Variants in MXI1 observed in about 807,000 individuals in gnomAD.
The protein encoded by MXI1 is MAX interactor 1, dimerization protein.
Under a neutral mutation model 36.9 loss-of-function variants are expected in MXI1, and 18 were observed. The observed-to-expected ratio is 0.49, with a 90% CI of 0.34 to 0.72. The LOEUF is 0.72. Among genes scored for constraint, MXI1 ranks in the 30% least tolerant of loss-of-function variants. The probability of loss-of-function intolerance (pLI) is 0.01; values close to 1 mark genes in which losing one functional copy is unlikely to be tolerated. For synonymous variants in MXI1, 160 were observed against 146.7 expected (o/e 1.09, Z -0.65); for missense variants, 304 against 379.1 (o/e 0.80, Z 1.64).
chr10:110,284,165 C>G (rs967601990), intron 5 of MXI1, among the ~76,000 whole-genome samples: 2 of 151,256 alleles, frequency 1.3e-5, no homozygotes, highest in African/African-American at 4.9e-5. Flanking sequence ...GCTTTTAAGT[C>G]TGTATACTAC....
At chr10:110,279,764 T>G (rs890795777) in intron 4 of MXI1, 150 bp from the exon 5 acceptor site, 15 of 498,356 alleles carry the variant, frequency 3.0e-5, no homozygotes, top group Admixed American at 7.7e-5. Context: ...TTATATGCAT[T>G]CTCATTTTGG....
At chr10:110,220,936 ATG>A (rs1234046137) in intron 1 of MXI1, among the ~76,000 whole-genome samples, 1 of 152,216 alleles carries the variant, frequency 6.6e-6, no homozygotes, top group Non-Finnish European at 1.5e-5. Flanking sequence ...AAAGAATAAA[ATG>A]TGTTTACACT....
intron 3 of MXI1, chr10:110,245,818 G>A (rs760917853): frequency 6.6e-6 from 1 of 152,110 alleles, no homozygotes; most frequent in Admixed American, 6.6e-5. Context: ...CAGTAATCTA[G>A]GTAAGAGATG....
At chr10:110,215,985 C>A (rs1262374759) in intron 1 of MXI1, among the ~76,000 whole-genome samples, 1 of 152,230 alleles carries the variant, frequency 6.6e-6, no homozygotes, top group East Asian at 1.9e-4. Flanking sequence ...GCAATTGTCT[C>A]TGATGTCATT....
chr10:110,242,814 ACTGTTTAGAATAAGTTTATGG>A (rs1472191901), intron 2 of MXI1, among the ~76,000 whole-genome samples: 2 of 151,978 alleles, frequency 1.3e-5, no homozygotes, highest in East Asian at 1.9e-4. Flanking sequence ...GGATTGCCAG[ACTGTTTAGAATAAGTTTATGG>A]CTGTTTAGAA....
At chr10:110,214,614 C>T (rs1854583231) in intron 1 of MXI1, among the ~76,000 whole-genome samples, 2 of 151,992 alleles carry the variant, frequency 1.3e-5, no homozygotes, top group African/African-American at 2.4e-5. Context: ...TTTAGATCCC[C>T]CTGCCTCCCT....
chr10:110,270,759 T>TA (rs1204047705), intron 3 of MXI1, among the ~76,000 whole-genome samples: 3 of 152,148 alleles, frequency 2.0e-5, no homozygotes, highest in Non-Finnish European at 4.4e-5. Context: ...CATTCTGTTG[T>TA]AAAAGCTGCA....
intron 5 of MXI1, among the ~76,000 whole-genome samples, chr10:110,283,149 C>A (rs1857317684): frequency 6.6e-6 from 1 of 152,158 alleles, no homozygotes. Flanking sequence ...TGGACAGCTG[C>A]CTACATTTTA....
intron 2 of MXI1, among the ~76,000 whole-genome samples, chr10:110,229,891 A>G (rs1364525692): frequency 6.6e-6 from 1 of 152,196 alleles, no homozygotes; most frequent in Admixed American, 6.5e-5. Flanking sequence ...AAGAGTACAC[A>G]TAGGAAACTA....
At chr10:110,241,373 A>C (rs1564713656) in intron 2 of MXI1, among the ~76,000 whole-genome samples, 1 of 151,988 alleles carries the variant, frequency 6.6e-6, no homozygotes, top group Non-Finnish European at 1.5e-5. Flanking sequence ...TCTCAGCCTT[A>C]CACAGGGAAT....
At chr10:110,261,418 C>T (rs1161412096) in intron 3 of MXI1, among the ~76,000 whole-genome samples, 3 of 145,676 alleles carry the variant, frequency 2.1e-5, no homozygotes, top group Admixed American at 6.8e-5. Context: ...ATCATAATGA[C>T]TATTCAAACC....
At chr10:110,257,312 GT>G (rs555966373) in intron 3 of MXI1, 63 of 142,484 alleles carry the variant, frequency 4.4e-4, no homozygotes, top group Middle Eastern at 7.2e-3. Context: ...TTTTTTTTTG[GT>G]TTTTTTTTTT....
At chr10:110,271,307 G>A (rs1200374052) in intron 3 of MXI1, among the ~76,000 whole-genome samples, 1 of 152,158 alleles carries the variant, frequency 6.6e-6, no homozygotes, top group African/African-American at 2.4e-5. Context: ...AGGTCCTGGT[G>A]TTGATTGTTA....
At chr10:110,271,996 C>G (rs1481488981) in intron 3 of MXI1, among the ~76,000 whole-genome samples, 1 of 152,136 alleles carries the variant, frequency 6.6e-6, no homozygotes, top group Non-Finnish European at 1.5e-5. Flanking sequence ...TTCTTTTTCC[C>G]TCTCCAAACC....
At chr10:110,215,098 T>C (rs1160092359) in intron 1 of MXI1, among the ~76,000 whole-genome samples, 3 of 145,280 alleles carry the variant, frequency 2.1e-5, no homozygotes, top group South Asian at 2.3e-4. Context: ...CTGGAGTGCA[T>C]TGGCACAATC....
At chr10:110,273,336 C>T (rs1173286323) in intron 3 of MXI1, among the ~76,000 whole-genome samples, 2 of 152,088 alleles carry the variant, frequency 1.3e-5, no homozygotes, top group Admixed American at 6.6e-5. Flanking sequence ...CATGAGCCAC[C>T]GTGCCTGGCC....
chr10:110,218,034 T>C (rs1374099826), intron 1 of MXI1, among the ~76,000 whole-genome samples: 1 of 152,208 alleles, frequency 6.6e-6, no homozygotes, highest in African/African-American at 2.4e-5. Context: ...CTAACTTTCC[T>C]AAGGCCACAG....
At chr10:110,274,885 T>C (rs1448246547) in intron 3 of MXI1, among the ~76,000 whole-genome samples, 1 of 149,386 alleles carries the variant, frequency 6.7e-6, no homozygotes, top group Non-Finnish European at 1.5e-5. Context: ...TTTTTTTTTT[T>C]TTTTTTTTTG....
rs1564702516 is a variant in MXI1, at chr10:110,210,361, G to A, written c.274+2279G>A. On this transcript the variant is annotated intron_variant, in intron 1 of 5. Coordinates refer to ENST00000332674, the MANE Select transcript of MXI1 (RefSeq NM_130439.3). ...CCCCGCAGCCCCCCTCCTCCGGCCG[G>A]CTCCCGGCGGGAGTATTTTTAGCTC... The A allele has an allele frequency of 1.6e-5, 14 of 887,430 alleles. No homozygotes were observed. The South Asian group carries it at 6.2e-4, about 39-fold the overall frequency. The allele number at this position is 887,430 out of a possible 1,614,324, so 55.0% of individuals were successfully genotyped here.
Sources: gnomAD v4.1 joint callset for allele counts (sites outside exome capture counted in the v4.1 genomes callset) on GRCh38, gnomAD v4.1.1 for gene constraint, MANE v1.5 for transcripts, NCBI Gene and HGNC (gene_info 2026-07-23, HGNC 2026-07-21) for gene names.